The following AKR7A3 variants were observed in gnomAD, a reference collection of about 807,000 sequenced individuals.
The protein encoded by AKR7A3 is AFB1 aldehyde reductase 2.
AKR7A3 carries 37 observed loss-of-function variants against 32.5 expected under a neutral mutation model. The ratio of observed to expected loss-of-function variants is 1.14; its 90% confidence interval spans 0.88 to 1.50. AKR7A3 has a LOEUF of 1.50. Ranked by LOEUF, AKR7A3 falls within the 40% of genes most tolerant of loss-of-function variation. AKR7A3 has a pLI of 0.00. For synonymous variants in AKR7A3, 177 were observed against 188.4 expected, an observed-to-expected ratio of 0.94 and a Z score of 0.50; for missense variants, 412 against 453.2, an observed-to-expected ratio of 0.91 and a Z score of 0.83.
At chr1:19,280,062 G>A (rs1223595645), downstream of AKR7A3, among the ~76,000 whole-genome samples, 3 of 151,686 alleles carry the variant, frequency 2.0e-5, no homozygotes, top group African/African-American at 2.4e-5. Flanking sequence ...GAACATCATC[G>A]GGTAAATGAT....
At chr1:19,285,605 C>T (rs1020087414) in intron 3 of AKR7A3, among the ~76,000 whole-genome samples, 28 of 151,740 alleles carry the variant, frequency 1.8e-4, no homozygotes, top group South Asian at 2.1e-4. Flanking sequence ...CATTCTCTCA[C>T]GGAAGGGGCG....
downstream of AKR7A3, among the ~76,000 whole-genome samples, chr1:19,277,651 G>A (rs2093713160): frequency 6.6e-6 from 1 of 151,786 alleles, no homozygotes; most frequent in Non-Finnish European, 1.5e-5. Context: ...CTCTCGAATA[G>A]CTGGAATTAC....
At chr1:19,276,502 C>T in the AKR7A3 span, among the ~76,000 whole-genome samples, 1 of 151,372 alleles carries the variant, frequency 6.6e-6, no homozygotes, top group African/African-American at 2.4e-5. Flanking sequence ...TAAAACAAGT[C>T]TTAATAAATG....
At chr1:19,279,300 T>C (rs2093715561), downstream of AKR7A3, among the ~76,000 whole-genome samples, 4 of 152,004 alleles carry the variant, frequency 2.6e-5, no homozygotes, top group Admixed American at 2.0e-4. Flanking sequence ...TGTATGAATA[T>C]ACCACATTTT....
downstream of AKR7A3, among the ~76,000 whole-genome samples, chr1:19,280,906 G>T (rs931527428): frequency 1.3e-5 from 2 of 151,716 alleles, no homozygotes; most frequent in Admixed American, 1.3e-4. Context: ...TTGTCTTGAC[G>T]CTCTTTAAAA....
downstream of AKR7A3, among the ~76,000 whole-genome samples, chr1:19,280,286 C>A (rs1474270649): frequency 6.6e-6 from 1 of 151,674 alleles, no homozygotes. Context: ...CTCTGTCACC[C>A]GGGCTGGAGT....
Position 19,286,212 on chromosome 1 carries a change from C to T in AKR7A3, c.375G>A (p.Leu125=). 6.2e-7 allele frequency: 1 copy of T among 1,613,048 alleles called. No individual in the cohort carries two copies. The highest frequency in any genetic ancestry group is 2.2e-5 in the East Asian group (1 of 44,884). Residue 125 remains leucine (L), a synonymous_variant, in exon 2 of 7, where the codon CTG becomes CTA. Transcript: ENST00000361640. ...PDHSTPVEET[L]RACHQLHQEG... ...CCTGGTGCAGCTGGTGGCAGGCACG[C>T]AGTGTCTCTTCCACCGGGGTGCTGT...
chr1:19,274,391 A>G, the AKR7A3 span, among the ~76,000 whole-genome samples: 1 of 151,750 alleles, frequency 6.6e-6, no homozygotes, highest in Non-Finnish European at 1.5e-5. Flanking sequence ...GAAGATCCCA[A>G]AGGTCTGGGA....
At chr1:19,283,048 G>A (rs1473487219) in intron 6 of AKR7A3, among the ~76,000 whole-genome samples, 156 bp from the exon 7 acceptor site, 1 of 146,650 alleles carries the variant, frequency 6.8e-6, no homozygotes, top group Non-Finnish European at 1.5e-5. Flanking sequence ...CCCATGTGAC[G>A]CAAAACCTGT....
At chr1:19,274,313 C>A in the AKR7A3 span, 2 of 679,478 alleles carry the variant, frequency 2.9e-6, no homozygotes, top group East Asian at 3.4e-5. Flanking sequence ...GGCTTCGTAC[C>A]GGTGACTCGC....
rs536838407 is a variant in AKR7A3 at position 19,283,737 on chromosome 1, A to G, written c.834+259T>C. ...TCCCAGCTACTGGGGAGGCTGAGACAAGAGAGTTGCTTCGGCCCAAGAGGC... is the reference window on the plus strand; with the variant it reads ...TCCCAGCTACTGGGGAGGCTGAGACGAGAGAGTTGCTTCGGCCCAAGAGGC... On this transcript the variant is annotated intron_variant, in intron 6 of 6. Coordinates refer to ENST00000361640, the MANE Select transcript of AKR7A3 (RefSeq NM_012067.3). Among the ~76,000 whole-genome samples the G allele has an allele frequency of 1.8e-4, 27 of 151,838 alleles. 1 individual carries two copies. The highest frequency in any genetic ancestry group is 3.5e-4 in the Non-Finnish European group (24 of 68,022).
chr1:19,276,360 CA>C, the AKR7A3 span, among the ~76,000 whole-genome samples: 2,432 of 111,262 alleles, frequency 0.022, 60 homozygotes, highest in East Asian at 0.073. Context: ...GACTCCATCT[CA>C]AAAAAAAAAA....
At position 19,284,706 on chromosome 1, in the gene AKR7A3, C is replaced by G; in HGVS notation, c.684G>C (p.Trp228Cys). ...QPVGRFFGNT[W>C]AEMYRNRYWK... ...CTTACCGATTCCTGTACATCTCTGC[C>G]CAGGTATTCCCAAAGAAGCGGCCCA... Residue 228 changes from tryptophan (W) to cysteine (C), a missense_variant, in exon 5 of 7, where the codon TGG becomes TGC. Physicochemically the swap from Trp to Cys is radical, Grantham distance 215. Coordinates refer to ENST00000361640, the MANE Select transcript of AKR7A3 (RefSeq NM_012067.3). 6.2e-7 allele frequency: 1 copy of G among 1,613,854 alleles called. No homozygotes were observed. Among genetic ancestry groups the G allele is most frequent in the Non-Finnish European group, 8.5e-7 (1 of 1,179,988 alleles).
chr1:19,283,781 A>C (rs566209575), intron 6 of AKR7A3, among the ~76,000 whole-genome samples: 38 of 152,034 alleles, frequency 2.5e-4, no homozygotes, highest in Middle Eastern at 6.8e-3. Flanking sequence ...CAGTGACCCG[A>C]GATCATGCCA....
intron 1 of AKR7A3, among the ~76,000 whole-genome samples, chr1:19,287,977 A>G (rs909368785): frequency 8.5e-5 from 13 of 152,198 alleles, no homozygotes; most frequent in African/African-American, 3.1e-4. Context: ...GAGTACCACA[A>G]GGTACTCAGA....
chr1:19,279,927 A>AT (rs200029197), downstream of AKR7A3, among the ~76,000 whole-genome samples: 42 of 148,610 alleles, frequency 2.8e-4, no homozygotes, highest in Middle Eastern at 3.4e-3. Flanking sequence ...TTTTCTTGTG[A>AT]TTTTTTTTTT....
chr1:19,285,297 G>C lies in AKR7A3; in HGVS notation c.508-183C>G, dbSNP rs967118298. Among the ~76,000 whole-genome samples the C allele has an allele frequency of 3.9e-4, 59 of 152,024 alleles. 2 individuals carry two copies. The highest frequency in any genetic ancestry group is 2.1e-4 in the South Asian group (1 of 4,826). ...TGCCCATGGAAAATTCATTCATTCT[G>C]CCAACTTTCATGAGCACCAACTATG... On this transcript the variant is annotated intron_variant, in intron 3 of 6. Coordinates refer to ENST00000361640, the MANE Select transcript of AKR7A3 (RefSeq NM_012067.3).
the AKR7A3 span, among the ~76,000 whole-genome samples, chr1:19,275,928 AT>A: frequency 4.0e-3 from 615 of 152,180 alleles, 6 homozygotes; most frequent in Middle Eastern, 0.014. Flanking sequence ...AAAATAGAGC[AT>A]CAAATACATG....
chr1:19,287,378 G>A (rs1372926519), intron 1 of AKR7A3, among the ~76,000 whole-genome samples: 1 of 151,420 alleles, frequency 6.6e-6, no homozygotes, highest in Non-Finnish European at 1.5e-5. Context: ...TAGAAAGAGC[G>A]TGGCACTGGG....
Sources: gnomAD v4.1 joint callset for allele counts (sites outside exome capture counted in the v4.1 genomes callset) on GRCh38, gnomAD v4.1.1 for gene constraint, MANE v1.5 for transcripts, NCBI Gene and HGNC (gene_info 2026-07-23, HGNC 2026-07-21) for gene names.